RIMS1: variants seen among roughly 807,000 people sequenced by gnomAD.
RIMS1 encodes regulating synaptic membrane exocytosis 1.
Under a neutral mutation model 214.1 loss-of-function variants are expected in RIMS1, and 83 were observed. The ratio of observed to expected loss-of-function variants is 0.39; its 90% CI spans 0.32 to 0.47. The LOEUF (loss-of-function observed/expected upper bound fraction) is 0.47, where lower values mean the gene tolerates loss of function less well. Ranked by LOEUF, RIMS1 falls within the 20% of genes least tolerant of loss-of-function variation. RIMS1 has a pLI of 0.99. For synonymous variants in RIMS1, 793 were observed against 786.8 expected (o/e 1.01, Z -0.13); for missense variants, 2,050 against 2,161.8 (o/e 0.95, Z 1.03).
intron 29 of RIMS1, among the ~76,000 whole-genome samples, chr6:72,348,631 T>C (rs1485267347): frequency 6.6e-6 from 1 of 151,892 alleles, no homozygotes; most frequent in Non-Finnish European, 1.5e-5. Context: ...GTTACATGGA[T>C]AAATTGCCTA....
At chr6:72,269,015 T>C (rs765961106) in intron 22 of RIMS1, among the ~76,000 whole-genome samples, 1 of 152,192 alleles carries the variant, frequency 6.6e-6, no homozygotes, top group Non-Finnish European at 1.5e-5. Context: ...GAAGCAATGA[T>C]TTTTAGAGCC....
At chr6:71,913,089 A>C (rs1288437499) in intron 1 of RIMS1, among the ~76,000 whole-genome samples, 1 of 152,168 alleles carries the variant, frequency 6.6e-6, no homozygotes, top group Non-Finnish European at 1.5e-5. Flanking sequence ...TGATTGAATT[A>C]CTAAATCTAT....
chr6:71,900,157 T>C (rs1013901920), intron 1 of RIMS1, among the ~76,000 whole-genome samples: 2 of 152,060 alleles, frequency 1.3e-5, no homozygotes, highest in African/African-American at 2.4e-5. Flanking sequence ...GATCTGAGAA[T>C]GAACAGAAGT....
In RIMS1 at chr6:72,258,298, GC is replaced by G; in HGVS notation, c.2927+18del. The G allele has an allele frequency of 6.2e-7, 1 of 1,609,994 alleles. No individual in the cohort carries two copies. The highest frequency in any genetic ancestry group is 8.5e-7 in the Non-Finnish European group (1 of 1,177,156). On this transcript the variant is annotated intron_variant, in intron 17 of 33. Coordinates refer to ENST00000521978, the MANE Select transcript of RIMS1 (RefSeq NM_014989.7). ...ATTACAGAGGTAGGCTTTGAAATGG[GC>G]TCAGTGTCCCTGACAGTACATTTTT...
In RIMS1 at chr6:72,258,108, G is replaced by C; in HGVS notation, c.2771-17G>C. 6.2e-7 allele frequency: 1 copy of C among 1,607,946 alleles called. No individual in the cohort carries two copies. Among genetic ancestry groups the C allele is most frequent in the South Asian group, 1.1e-5 (1 of 90,102 alleles). ...GAAGAATACTGACTAAATTTTTTCTGTGTGTACTTTTGCCAGTAGGCTATA... is the reference window on the plus strand; with the variant it reads ...GAAGAATACTGACTAAATTTTTTCTCTGTGTACTTTTGCCAGTAGGCTATA... On this transcript the variant is annotated splice_polypyrimidine_tract_variant and intron_variant, in intron 16 of 33. Transcript: ENST00000521978.
At chr6:71,968,892 A>T in intron 1 of RIMS1, 91 bp from the exon 2 acceptor site, 1 of 1,271,266 alleles carries the variant, frequency 7.9e-7, no homozygotes, top group Non-Finnish European at 1.1e-6. Flanking sequence ...ACTTTCCCTT[A>T]GAGTGTTTTT....
intron 1 of RIMS1, among the ~76,000 whole-genome samples, chr6:71,898,892 A>G (rs769570649): frequency 6.6e-6 from 1 of 152,056 alleles, no homozygotes; most frequent in Non-Finnish European, 1.5e-5. Flanking sequence ...ACTTGGTTCC[A>G]TTTTAACTAC....
At chr6:71,888,369 A>C (rs1359582339) in intron 1 of RIMS1, among the ~76,000 whole-genome samples, 4 of 152,044 alleles carry the variant, frequency 2.6e-5, no homozygotes, top group Admixed American at 2.0e-4. Context: ...GGGCCAGGGG[A>C]TTGGCATGAA....
At chr6:72,381,600 G>A (rs537767169) in intron 29 of RIMS1, among the ~76,000 whole-genome samples, 1 of 152,268 alleles carries the variant, frequency 6.6e-6, no homozygotes, top group South Asian at 2.1e-4. Flanking sequence ...TTAATATGAA[G>A]ATTATTTAAA....
intron 6 of RIMS1, among the ~76,000 whole-genome samples, chr6:72,208,158 G>C (rs895590786): frequency 6.6e-6 from 1 of 152,100 alleles, no homozygotes; most frequent in African/African-American, 2.4e-5. Flanking sequence ...ACACAGCTTA[G>C]GTAAATGAGT....
chr6:72,007,344 C>A (rs1219165105), intron 2 of RIMS1, among the ~76,000 whole-genome samples: 3 of 152,084 alleles, frequency 2.0e-5, no homozygotes, highest in African/African-American at 7.2e-5. Context: ...CATCAAAGAC[C>A]AAAGGTAGGT....
chr6:72,250,601 C>A, intron 13 of RIMS1, 141 bp downstream of exon 13: 1 of 619,920 alleles, frequency 1.6e-6, no homozygotes, highest in Non-Finnish European at 2.6e-6. Context: ...AAAAAGAAGT[C>A]CCTCAAGTGT....
At chr6:72,367,092 T>C (rs1462680736) in intron 29 of RIMS1, among the ~76,000 whole-genome samples, 1 of 152,204 alleles carries the variant, frequency 6.6e-6, no homozygotes, top group Non-Finnish European at 1.5e-5. Context: ...AAAAATGATG[T>C]TGCAACAGTA....
chr6:72,207,009 T>A (rs1302681124), intron 6 of RIMS1, among the ~76,000 whole-genome samples: 1 of 152,220 alleles, frequency 6.6e-6, no homozygotes, highest in East Asian at 1.9e-4. Flanking sequence ...ATTTATATCT[T>A]GACACAAAGT....
Position 72,245,438 on chromosome 6 carries a change from G to A in RIMS1, c.2082-377G>A, listed in dbSNP as rs555371160. Among the ~76,000 whole-genome samples, 5 of 152,114 alleles carry A rather than the reference G, an allele frequency of 3.3e-5. No homozygotes were observed. The South Asian group carries it at 8.3e-4, about 25-fold the overall frequency. On this transcript the variant is annotated intron_variant, in intron 10 of 33. Transcript: ENST00000521978. ...AAACTCTTTCAGATGTGTTTGTAAA[G>A]CATATTACTGATGTGTAAAATTTGT...
intron 2 of RIMS1, among the ~76,000 whole-genome samples, chr6:72,020,787 C>T (rs1814401760): frequency 6.6e-6 from 1 of 152,116 alleles, no homozygotes; most frequent in African/African-American, 2.4e-5. Context: ...GAGAACATGG[C>T]TTAGACTGGA....
intron 29 of RIMS1, among the ~76,000 whole-genome samples, chr6:72,367,695 T>C (rs551674441): frequency 6.6e-6 from 1 of 152,284 alleles, no homozygotes; most frequent in Non-Finnish European, 1.5e-5. Context: ...TACATACATA[T>C]ATATATTCAA....
At chr6:71,932,459 C>T (rs1490112122) in intron 1 of RIMS1, among the ~76,000 whole-genome samples, 6 of 151,948 alleles carry the variant, frequency 3.9e-5, no homozygotes, top group Admixed American at 3.9e-4. Context: ...GAACAACACA[C>T]AATGGGGCTT....
At chr6:72,180,629 TC>T (rs2048285698) in intron 5 of RIMS1, among the ~76,000 whole-genome samples, 1 of 152,248 alleles carries the variant, frequency 6.6e-6, no homozygotes, top group African/African-American at 2.4e-5. Flanking sequence ...AAAAATGTAT[TC>T]ATGGGCAAAC....
Sources: allele counts gnomAD v4.1 joint callset (sites outside exome capture counted in the v4.1 genomes callset), GRCh38; gene constraint gnomAD v4.1.1; transcripts MANE v1.5; gene names NCBI Gene and HGNC (gene_info 2026-07-23, HGNC 2026-07-21).